Variants in CYLD observed in about 807,000 individuals in gnomAD.
CYLD encodes the protein ubiquitin carboxyl-terminal hydrolase CYLD.
In CYLD, 26 loss-of-function variants were observed where a neutral mutation model predicts 104.5. The ratio of observed to expected loss-of-function variants is 0.25; its 90% CI spans 0.18 to 0.35. CYLD has a LOEUF of 0.35. Ranked by LOEUF, CYLD falls within the 10% of genes least tolerant of loss-of-function variation. CYLD has a pLI of 1.00. For synonymous variants in CYLD, 385 were observed against 399.9 expected, an observed-to-expected ratio of 0.96 and a Z score of 0.45; for missense variants, 703 against 1,136.1, an observed-to-expected ratio of 0.62 and a Z score of 5.48.
rs1972399947 is a variant in CYLD at position 50,800,778 on chromosome 16, G to A, written c.*4270G>A. 1 of 233,258 alleles carries A rather than the reference G, an allele frequency of 4.3e-6. No individual in the cohort carries two copies. Among genetic ancestry groups the A allele is most frequent in the East Asian group, 6.0e-5 (1 of 16,674 alleles). The allele number at this position is 233,258 out of a possible 1,614,324, so 14.4% of individuals were successfully genotyped here. On this transcript the variant is annotated 3_prime_UTR_variant, in exon 19 of 19. Coordinates refer to ENST00000427738, the MANE Select transcript of CYLD (RefSeq NM_001378743.1). ...GTAAGAGGTCTTTTTAAAGTAGGTA[G>A]GCTATAAGGCCTGTAATTTAAAATA... is the stretch of plus-strand genomic sequence containing the variant.
At chr16:50,769,761 A>G (rs1041911834) in intron 5 of CYLD, among the ~76,000 whole-genome samples, 1 of 152,074 alleles carries the variant, frequency 6.6e-6, no homozygotes, top group Non-Finnish European at 1.5e-5. Flanking sequence ...TCCCACAAAG[A>G]TCTCTTATCT....
rs778282662 is a variant in CYLD at position 50,782,475 on chromosome 16, A to G, written c.1826+9A>G. Reference sequence around the variant, plus strand: ...GACTCAACCTTATTCTGGTAAGTTTAAAAAGAATGCAATAGGTATAGATAG... The same window carrying G: ...GACTCAACCTTATTCTGGTAAGTTTGAAAAGAATGCAATAGGTATAGATAG... On this transcript the variant is annotated intron_variant, in intron 11 of 18. Coordinates refer to ENST00000427738, the MANE Select transcript of CYLD (RefSeq NM_001378743.1). 2 of 1,613,694 alleles carry G rather than the reference A, an allele frequency of 1.2e-6. No homozygotes were observed. The highest frequency in any genetic ancestry group is 3.3e-5 in the Admixed American group (2 of 59,994).
At position 50,800,122 on chromosome 16, in the gene CYLD, C is replaced by A. The variant is rs372370285; in HGVS notation, c.*3614C>A. On this transcript the variant is annotated 3_prime_UTR_variant, in exon 19 of 19. Coordinates refer to ENST00000427738, the MANE Select transcript of CYLD (RefSeq NM_001378743.1). ...CTGTCACTTGCTCTGTACACTTAGA[C>A]AACAGCTTGACCTCTTGAGCTTTAG... The A allele has an allele frequency of 3.8e-4, 89 of 233,132 alleles. 3 individuals are homozygous for A. In the South Asian group the frequency reaches 0.013, roughly 34 times the overall value. The allele number at this position is 233,132 out of a possible 1,614,324, so 14.4% of individuals were successfully genotyped here.
chr16:50,748,245 G>A (rs1966357814), intron 2 of CYLD, among the ~76,000 whole-genome samples: 1 of 152,182 alleles, frequency 6.6e-6, no homozygotes, highest in Admixed American at 6.5e-5. Flanking sequence ...TACCTAGGAA[G>A]TATTGTTTTC....
At chr16:50,773,530 T>G (rs946951778) in intron 5 of CYLD, among the ~76,000 whole-genome samples, 1 of 152,228 alleles carries the variant, frequency 6.6e-6, no homozygotes. Context: ...AGCTTTTGAT[T>G]AGAATGAATA....
At chr16:50,767,505 G>C (rs1597019812) in intron 5 of CYLD, among the ~76,000 whole-genome samples, 1 of 147,268 alleles carries the variant, frequency 6.8e-6, no homozygotes, top group African/African-American at 2.5e-5. Flanking sequence ...ACTTTTGAAA[G>C]CTCAAAAAAT....
chr16:50,801,601 C>A lies in CYLD; in HGVS notation c.*5093C>A. On this transcript the variant is annotated 3_prime_UTR_variant, in exon 19 of 19. Transcript: ENST00000427738. ...ATTTTAGAAAGTCTTAGCATCAGATCATAAACATTCATTAAAAGAACTCAC... is the reference window on the plus strand; with the variant it reads ...ATTTTAGAAAGTCTTAGCATCAGATAATAAACATTCATTAAAAGAACTCAC... 1 of 233,702 alleles carries A rather than the reference C, an allele frequency of 4.3e-6. No individual in the cohort carries two copies. The highest frequency in any genetic ancestry group is 2.2e-5 in the African/African-American group (1 of 45,454). 14.5% of individuals were successfully genotyped at this position (233,702 alleles called of 1,614,324 possible).
chr16:50,783,270 C>T (rs1022299282), intron 11 of CYLD, among the ~76,000 whole-genome samples: 2 of 151,956 alleles, frequency 1.3e-5, no homozygotes, highest in Admixed American at 1.3e-4. Flanking sequence ...GGAAATTGAA[C>T]CAAGAATCTT....
At chr16:50,791,760 G>C (rs1287214281) in intron 15 of CYLD, 70 bp downstream of exon 15, 1 of 1,534,654 alleles carries the variant, frequency 6.5e-7, no homozygotes, top group African/African-American at 1.4e-5. Flanking sequence ...GGTAGTTTCA[G>C]TATCTATTGA....
intron 5 of CYLD, among the ~76,000 whole-genome samples, chr16:50,761,836 T>C (rs941304622): frequency 8.5e-5 from 13 of 152,084 alleles, no homozygotes; most frequent in Non-Finnish European, 1.3e-4. Context: ...TCCAATCTAG[T>C]TTTTATTTTT....
At chr16:50,793,067 T>G (rs1971583981) in intron 16 of CYLD, among the ~76,000 whole-genome samples, 1 of 151,828 alleles carries the variant, frequency 6.6e-6, no homozygotes, top group African/African-American at 2.4e-5. Flanking sequence ...TGATGTAATA[T>G]TAAGTGGAAA....
intron 1 of CYLD, chr16:50,742,549 C>G: frequency 4.3e-6 from 1 of 231,980 alleles, no homozygotes; most frequent in Non-Finnish European, 8.2e-6. Context: ...CCCTCCCGCC[C>G]CCCACCCCAT....
At chr16:50,778,515 A>T (rs1969905024) in intron 8 of CYLD, among the ~76,000 whole-genome samples, 2 of 152,224 alleles carry the variant, frequency 1.3e-5, no homozygotes, top group Admixed American at 1.3e-4. Flanking sequence ...AGAATACACC[A>T]AAGATGATTT....
chr16:50,786,730 C>G (rs531599209), intron 12 of CYLD, 125 bp from the exon 13 acceptor site: 1 of 726,980 alleles, frequency 1.4e-6, no homozygotes, highest in African/African-American at 1.8e-5. Flanking sequence ...ACTGCACACT[C>G]CAGCCTGAGT....
chr16:50,800,240 G>T lies in CYLD; in HGVS notation c.*3732G>T, dbSNP rs1031589487. The T allele has an allele frequency of 8.6e-6, 2 of 233,014 alleles. No individual in the cohort carries two copies. Among genetic ancestry groups the T allele is most frequent in the Non-Finnish European group, 8.5e-6 (1 of 117,932 alleles). 14.4% of individuals were successfully genotyped at this position (233,014 alleles called of 1,614,324 possible). The stretch of plus-strand genomic sequence containing the variant: ...GTCCTAGGCCATGCCTGCTGAATCC[G>T]ACTGTTCAGGAAGAGGCCTAGGAAA... On this transcript the variant is annotated 3_prime_UTR_variant, in exon 19 of 19. Transcript: ENST00000427738.
intron 5 of CYLD, among the ~76,000 whole-genome samples, chr16:50,762,398 A>G (rs1380230996): frequency 6.6e-6 from 1 of 152,172 alleles, no homozygotes; most frequent in Non-Finnish European, 1.5e-5. Context: ...CAGATATCCA[A>G]TTTGACCTTC....
At chr16:50,786,666 A>T (rs2151014529) in intron 12 of CYLD, 189 bp from the exon 13 acceptor site, 2 of 534,658 alleles carry the variant, frequency 3.7e-6, no homozygotes, top group East Asian at 3.2e-5. Context: ...TGGCTGAGGC[A>T]TGAGAATCTC....
At position 50,796,321 on chromosome 16, in the gene CYLD, T is replaced by C; in HGVS notation, c.2687-3T>C. The C allele has an allele frequency of 3.1e-6, 5 of 1,614,100 alleles. No individual in the cohort carries two copies. The highest frequency in any genetic ancestry group is 1.1e-5 in the South Asian group (1 of 91,074). ...TATAAAGAGTTCTTCCTCTGTGCCA[T>C]AGGTGGTCAGAATGGCTTCAACATT... On this transcript the variant is annotated splice_region_variant and splice_polypyrimidine_tract_variant and intron_variant, in intron 18 of 18. Coordinates refer to ENST00000427738, the MANE Select transcript of CYLD (RefSeq NM_001378743.1).
In CYLD at chr16:50,784,554, G is replaced by A. The variant is rs1166519835; in HGVS notation, c.1949+103G>A. ...ACCTTGTCTTCATGTAATAAGAGAT[G>A]GGTGAAAATTAGTTCTTATGGTAAA... On this transcript the variant is annotated intron_variant, in intron 12 of 18. Coordinates refer to ENST00000427738, the MANE Select transcript of CYLD (RefSeq NM_001378743.1). 10 of 1,232,994 alleles carry A rather than the reference G, an allele frequency of 8.1e-6. No individual in the cohort carries two copies. In the East Asian group the frequency reaches 1.9e-4, roughly 23 times the overall value. The allele number at this position is 1,232,994 out of a possible 1,614,324, so 76.4% of individuals were successfully genotyped here.
Sources: allele counts gnomAD v4.1 joint callset (sites outside exome capture counted in the v4.1 genomes callset), GRCh38; gene constraint gnomAD v4.1.1; transcripts MANE v1.5; gene names NCBI Gene and HGNC (gene_info 2026-07-23, HGNC 2026-07-21).